The following KAZN variants were observed in gnomAD, a reference collection of about 807,000 sequenced individuals.
KAZN encodes kazrin, periplakin interacting protein, also known as kazrin.
Under a neutral mutation model 87.4 loss-of-function variants are expected in KAZN, and 40 were observed. That is an observed-to-expected ratio of 0.46 (90% CI 0.36 to 0.60). The LOEUF (loss-of-function observed/expected upper bound fraction) is 0.60. KAZN is among the 20% of genes least tolerant of loss of function. KAZN has a pLI of 0.00. For synonymous variants in KAZN, 466 were observed against 458.3 expected (o/e 1.02, Z -0.22); for missense variants, 898 against 1,073.9 (o/e 0.84, Z 2.29).
chr1:14,485,032 G>A (rs1420076680), intron 2 of KAZN, among the ~76,000 whole-genome samples: 1 of 152,140 alleles, frequency 6.6e-6, no homozygotes. Context: ...ACATTGCAAA[G>A]GGTTTAGATT....
chr1:14,718,600 C>T (rs770117319), intron 1 of KAZN, among the ~76,000 whole-genome samples: 5 of 152,126 alleles, frequency 3.3e-5, no homozygotes, highest in African/African-American at 1.2e-4. Context: ...TTGGTGCAGC[C>T]GCTAAGCTGA....
At chr1:14,443,443 G>T (rs939092904) in intron 2 of KAZN, among the ~76,000 whole-genome samples, 2 of 152,200 alleles carry the variant, frequency 1.3e-5, no homozygotes, top group African/African-American at 4.8e-5. Flanking sequence ...CTCCAGTAAT[G>T]AAATAAATCA....
chr1:14,814,925 G>T (rs1646519713), intron 1 of KAZN, among the ~76,000 whole-genome samples: 1 of 152,114 alleles, frequency 6.6e-6, no homozygotes, highest in Non-Finnish European at 1.5e-5. Flanking sequence ...CCTCGTTCAG[G>T]GGTCATGTTG....
chr1:14,336,843 T>C (rs903902787), intron 2 of KAZN, among the ~76,000 whole-genome samples: 15 of 152,248 alleles, frequency 9.9e-5, no homozygotes, highest in African/African-American at 3.6e-4. Flanking sequence ...TCTGGTACTA[T>C]ATTCTTAGCA....
At chr1:14,761,630 G>T (rs1028989303) in intron 1 of KAZN, among the ~76,000 whole-genome samples, 3 of 152,198 alleles carry the variant, frequency 2.0e-5, no homozygotes, top group African/African-American at 7.2e-5. Flanking sequence ...TATCTTGGTT[G>T]TAAAGCAAAC....
intron 2 of KAZN, among the ~76,000 whole-genome samples, chr1:14,455,361 C>T (rs1259649113): frequency 2.0e-5 from 3 of 152,180 alleles, no homozygotes; most frequent in Non-Finnish European, 4.4e-5. Context: ...TATCATGTCT[C>T]ACTGTCTTCA....
At chr1:14,777,383 C>G (rs1219595364) in intron 1 of KAZN, among the ~76,000 whole-genome samples, 1 of 152,156 alleles carries the variant, frequency 6.6e-6, no homozygotes, top group Non-Finnish European at 1.5e-5. Flanking sequence ...AATGAGAGTA[C>G]TAATAAGAGG....
intron 1 of KAZN, among the ~76,000 whole-genome samples, chr1:14,131,892 T>C (rs1020802557): frequency 6.6e-5 from 10 of 152,134 alleles, no homozygotes; most frequent in Non-Finnish European, 1.2e-4. Flanking sequence ...ACCACACCAA[T>C]GGCTCCCTTC....
At chr1:14,468,232 T>C (rs557539321) in intron 2 of KAZN, among the ~76,000 whole-genome samples, 26 of 152,216 alleles carry the variant, frequency 1.7e-4, no homozygotes, top group Non-Finnish European at 3.8e-4. Flanking sequence ...CCAAAAGAAT[T>C]TCCACACTAA....
rs757118365 is a variant in KAZN at position 13,945,710 on chromosome 1, T to TGTGA, written c.91+51955_91+51956insTGAG. On this transcript the variant is annotated intron_variant, in intron 1 of 16. Coordinates refer to the KAZN transcript ENST00000636203. ...GTGTGTGTGTGTGTGTGTGTGTGTGTGAGAGAGAGAGAGAGAGAGAGAGAG... is the reference window on the plus strand; with the variant it reads ...GTGTGTGTGTGTGTGTGTGTGTGTGTGTGAGAGAGAGAGAGAGAGAGAGAGAGAG... Among the ~76,000 whole-genome samples the TGTGA allele has an allele frequency of 1.9e-3, 261 of 137,248 alleles. 1 individual carries two copies. The highest frequency in any genetic ancestry group is 5.9e-3 in the South Asian group (25 of 4,268). 90.0% of individuals were successfully genotyped at this position (137,248 alleles called of 152,430 possible).
At chr1:14,598,558 G>T (rs1459196074), upstream of KAZN, 1 of 565,106 alleles carries the variant, frequency 1.8e-6, no homozygotes, top group African/African-American at 2.0e-5. This position sits in a 1 kb window ranked among gnomAD's most constrained non-coding sequence, Gnocchi z 4.2. Flanking sequence ...CCCCCCCGGG[G>T]GGTGTGTCTC....
intron 1 of KAZN, among the ~76,000 whole-genome samples, chr1:14,070,454 G>T (rs1643205002): frequency 6.6e-6 from 1 of 152,124 alleles, no homozygotes; most frequent in African/African-American, 2.4e-5. Flanking sequence ...GTCTTGACTT[G>T]CAAGAATAAT....
At chr1:14,060,390 G>T (rs1570640882) in intron 1 of KAZN, among the ~76,000 whole-genome samples, 1 of 151,606 alleles carries the variant, frequency 6.6e-6, no homozygotes, top group East Asian at 1.9e-4. Flanking sequence ...AAAAGAATGA[G>T]GGTTTCATGT....
intron 2 of KAZN, among the ~76,000 whole-genome samples, chr1:14,494,814 G>A (rs771391920): frequency 1.5e-4 from 23 of 152,016 alleles, no homozygotes; most frequent in Non-Finnish European, 1.2e-4. Flanking sequence ...AAATGCATTC[G>A]GTGCAGCATT....
At chr1:15,048,797 G>GGTCGTCGATCCTTGGTCGTCGA (rs1673950271) in intron 4 of KAZN, among the ~76,000 whole-genome samples, 1 of 147,256 alleles carries the variant, frequency 6.8e-6, no homozygotes. Flanking sequence ...TTGGTCATTG[G>GGTCGTCGATCCTTGGTCGTCGA]TCCTGAGTCG....
intron 1 of KAZN, among the ~76,000 whole-genome samples, chr1:14,741,129 G>A (rs1185036795): frequency 1.3e-5 from 2 of 152,210 alleles, no homozygotes; most frequent in Non-Finnish European, 2.9e-5. Flanking sequence ...GCTGGAGCGG[G>A]TCGTTTATTT....
At chr1:14,766,698 C>T (rs1644893634) in intron 1 of KAZN, among the ~76,000 whole-genome samples, 2 of 149,416 alleles carry the variant, frequency 1.3e-5, no homozygotes, top group African/African-American at 2.5e-5. Flanking sequence ...CCAGTGGCAT[C>T]GGCAAGTGCC....
chr1:14,569,587 G>A (rs980741424), intron 2 of KAZN, among the ~76,000 whole-genome samples: 2 of 151,584 alleles, frequency 1.3e-5, no homozygotes, highest in African/African-American at 2.4e-5. Flanking sequence ...CTCCCAAAGT[G>A]CTAGGATTAC....
chr1:14,249,616 CT>C (rs925431157), intron 2 of KAZN, among the ~76,000 whole-genome samples: 124 of 152,328 alleles, frequency 8.1e-4, no homozygotes, highest in African/African-American at 2.9e-3. Flanking sequence ...CCAGCACCCA[CT>C]GAGCCCCAGA....
Sources: allele counts gnomAD v4.1 joint callset (sites outside exome capture counted in the v4.1 genomes callset), GRCh38; gene constraint gnomAD v4.1.1; non-coding constraint Gnocchi (gnomAD v3.1); transcripts MANE v1.5; gene names NCBI Gene and HGNC (gene_info 2026-07-23, HGNC 2026-07-21).